The following HERC1 variants were observed in gnomAD, a reference collection of about 807,000 sequenced individuals.
The protein encoded by HERC1 is HECT and RLD domain containing E3 ubiquitin protein ligase family member 1.
HERC1 carries 160 observed loss-of-function variants against 554.3 expected under a neutral mutation model. The ratio of observed to expected loss-of-function variants is 0.29; its 90% CI spans 0.25 to 0.33. The LOEUF (loss-of-function observed/expected upper bound fraction) is 0.33, where lower values mean the gene tolerates loss of function less well. Among genes scored for constraint, HERC1 ranks in the 10% least tolerant of loss-of-function variants. The pLI is 1.00. For synonymous variants in HERC1, 2,175 were observed against 2,131.7 expected, an observed-to-expected ratio of 1.02 and a Z score of -0.56; for missense variants, 4,919 against 5,918.5, an observed-to-expected ratio of 0.83 and a Z score of 5.54.
intron 1 of HERC1, among the ~76,000 whole-genome samples, chr15:63,805,656 C>T (rs2077115269): frequency 6.6e-6 from 1 of 152,132 alleles, no homozygotes; most frequent in South Asian, 2.1e-4. Context: ...TGACCAAAAA[C>T]AAACAAAAGG....
intron 67 of HERC1, 46 bp downstream of exon 67, chr15:63,633,802 A>G (rs778329858): frequency 1.0e-4 from 161 of 1,582,446 alleles, no homozygotes; most frequent in Non-Finnish European, 1.4e-4. Flanking sequence ...ACATAGATGA[A>G]AACTATTTAT....
chr15:63,765,719 T>C (rs1341191805), intron 2 of HERC1, among the ~76,000 whole-genome samples: 1 of 152,066 alleles, frequency 6.6e-6, no homozygotes, highest in Non-Finnish European at 1.5e-5. Flanking sequence ...ATCAAACCAA[T>C]AAGATCTTAC....
chr15:63,721,417 T>C (rs918671290), intron 19 of HERC1, among the ~76,000 whole-genome samples: 1 of 152,000 alleles, frequency 6.6e-6, no homozygotes, highest in Non-Finnish European at 1.5e-5. Flanking sequence ...TCCCAGCTAC[T>C]CAGGAGGCTG....
intron 7 of HERC1, among the ~76,000 whole-genome samples, 153 bp from the exon 8 acceptor site, chr15:63,753,238 C>T (rs981529251): frequency 4.6e-5 from 7 of 152,224 alleles, no homozygotes; most frequent in East Asian, 1.9e-4. Flanking sequence ...TGTTAACAAA[C>T]GAGCATTTTT....
At chr15:63,670,998 T>C (rs563565704) in intron 39 of HERC1, among the ~76,000 whole-genome samples, 5 of 152,072 alleles carry the variant, frequency 3.3e-5, no homozygotes, top group Non-Finnish European at 7.4e-5. Flanking sequence ...GGTTGGGAGT[T>C]CGAGACCAGC....
At chr15:63,687,680 T>C (rs1003918490) in intron 33 of HERC1, among the ~76,000 whole-genome samples, 12 of 152,304 alleles carry the variant, frequency 7.9e-5, no homozygotes, top group African/African-American at 2.9e-4. Context: ...ATAGAACTTT[T>C]ATTTTGGAAG....
intron 43 of HERC1, 51 bp from the exon 44 acceptor site, chr15:63,663,255 G>C: frequency 6.6e-7 from 1 of 1,508,310 alleles, no homozygotes; most frequent in African/African-American, 1.4e-5. Context: ...AAATAATTCT[G>C]AATATTTCGC....
intron 19 of HERC1, among the ~76,000 whole-genome samples, chr15:63,721,483 G>A (rs570284563): frequency 2.0e-5 from 3 of 152,130 alleles, no homozygotes; most frequent in South Asian, 2.1e-4. Flanking sequence ...CTGGGATCAC[G>A]CCACTGCACT....
rs2073894899 is a variant in HERC1 at position 63,723,191 on chromosome 15, C to G, written c.3733G>C (p.Val1245Leu). The change falls in exon 19 of 78, where the codon GTT (valine) becomes CTT (leucine). Residue 1245 changes from valine to leucine, a missense_variant. Physicochemically the swap from Val to Leu is conservative, Grantham distance 32 (BLOSUM62 1). This residue lies in a region of HERC1 where 1,121 missense variants were observed against 1,244.0 expected (regional missense o/e 0.90). Coordinates refer to ENST00000443617, the MANE Select transcript of HERC1 (RefSeq NM_003922.4). ...SLWISMQDYA[V>L]SKDWDSATLS... ...ATCTTCTTTATCTTACCTTTACTAA[C>G]AGCATAGTCCTGCATGCTGATCCAA... 6.8e-7 allele frequency: 1 copy of G among 1,481,406 alleles called. No homozygotes were observed. Among genetic ancestry groups the G allele is most frequent in the African/African-American group, 1.4e-5 (1 of 71,400 alleles). 91.8% of individuals were successfully genotyped at this position (1,481,406 alleles called of 1,614,324 possible).
At position 63,720,103 on chromosome 15, in the gene HERC1, C is replaced by CTTTTTTTTTTTTTTTTTTTTTTTTTT. The variant is rs573648232; in HGVS notation, c.3743-1207_3743-1206insAAAAAAAAAAAAAAAAAAAAAAAAAA. Among the ~76,000 whole-genome samples the CTTTTTTTTTTTTTTTTTTTTTTTTTT allele has an allele frequency of 5.2e-3, 369 of 71,554 alleles. 115 individuals carry two copies. The highest frequency in any genetic ancestry group is 0.014 in the Middle Eastern group (1 of 72). The allele number at this position is 71,554 out of a possible 152,430, so 46.9% of individuals were successfully genotyped here. ...GGACTAGTCAGGTGCTTTTTCTTCC[C>CTTTTTTTTTTTTTTTTTTTTTTTTTT]TTTTTTTTTTTTTTTAAGAGACAGG... On this transcript the variant is annotated intron_variant, in intron 19 of 77. Transcript: ENST00000443617.
At position 63,764,178 on chromosome 15, in the gene HERC1, T is replaced by A; in HGVS notation, c.944A>T (p.Asp315Val). Reference sequence around the variant, plus strand: ...GGTTGGTTCTCTCCACTGACTCCGATCAGCAGATGAACCCTATAATTAAAA... The same window carrying A: ...GGTTGGTTCTCTCCACTGACTCCGAACAGCAGATGAACCCTATAATTAAAA... The part of the protein sequence containing the change: ...QMRRSLGSSA[D>V]RSQWREPTRT... The change falls in exon 3 of 78, where the codon GAT (aspartate) becomes GTT (valine). Residue 315 changes from aspartate (D) to valine (V), a missense_variant. Physicochemically the swap from Asp to Val is radical, Grantham distance 152 (BLOSUM62 -3). Transcript: ENST00000443617. 1 of 1,608,220 alleles carries A rather than the reference T, an allele frequency of 6.2e-7. No homozygotes were observed. Among genetic ancestry groups the A allele is most frequent in the Non-Finnish European group, 8.5e-7 (1 of 1,176,664 alleles).
intron 46 of HERC1, 59 bp downstream of exon 46, chr15:63,660,914 T>C: frequency 9.9e-7 from 1 of 1,013,664 alleles, no homozygotes; most frequent in Admixed American, 1.8e-5. Flanking sequence ...TAACAGATGT[T>C]AAGCAGAGAG....
Position 63,612,161 on chromosome 15 carries a change from C to A in HERC1, c.14400+90G>T, listed in dbSNP as rs1221710591. On this transcript the variant is annotated intron_variant, in intron 77 of 77. Transcript: ENST00000443617. The surrounding 1 kb of genome is among the most constrained non-coding windows in gnomAD (Gnocchi z 5.0). ...TAAAATCATGCCACTGCACTCCAGC[C>A]TGGGCCACAGAGTGAGACCCTGTCT... 1 of 1,208,662 alleles carries A rather than the reference C, an allele frequency of 8.3e-7. No individual in the cohort carries two copies. Among genetic ancestry groups the A allele is most frequent in the Non-Finnish European group, 1.1e-6 (1 of 869,652 alleles). 74.9% of individuals were successfully genotyped at this position (1,208,662 alleles called of 1,614,324 possible). A position where few individuals can be genotyped will look rare whatever the true frequency, so the allele number is the denominator to read the frequency against.
In HERC1 at chr15:63,677,779, G is replaced by C. The variant is rs765601951; in HGVS notation, c.7070+66C>G. On this transcript the variant is annotated intron_variant, in intron 37 of 77. Transcript: ENST00000443617. This position sits in a 1 kb window ranked among gnomAD's most constrained non-coding sequence, Gnocchi z 4.4. ...CTAAAATACATAATTACTCACTGTC[G>C]ACAGGCAATGGCCTATTTCACCATT... 590 of 1,540,236 alleles carry C rather than the reference G, an allele frequency of 3.8e-4. 1 individual carries two copies. The highest frequency in any genetic ancestry group is 5.7e-4 in the South Asian group (45 of 78,368).
intron 76 of HERC1, among the ~76,000 whole-genome samples, chr15:63,614,826 T>G (rs1399836511): frequency 6.6e-6 from 1 of 152,200 alleles, no homozygotes; most frequent in East Asian, 1.9e-4. Flanking sequence ...TCAAATGAAA[T>G]AGAAAATGCA....
intron 34 of HERC1, among the ~76,000 whole-genome samples, chr15:63,681,841 T>C (rs965196534): frequency 6.6e-6 from 1 of 152,302 alleles, no homozygotes; most frequent in Non-Finnish European, 1.5e-5. Context: ...CTTGTGCTCA[T>C]GGCAGGGAGA....
chr15:63,739,700 A>C (rs2074710424), intron 12 of HERC1, among the ~76,000 whole-genome samples: 1 of 151,920 alleles, frequency 6.6e-6, no homozygotes, highest in Admixed American at 6.6e-5. Context: ...CTAGCTGGGC[A>C]TGGTGGTGTG....
intron 75 of HERC1, 85 bp downstream of exon 75, chr15:63,616,345 T>C: frequency 1.4e-6 from 2 of 1,384,842 alleles, no homozygotes; most frequent in Admixed American, 2.0e-5. Context: ...AGTGGAAGAC[T>C]GTATCTCAAT....
chr15:63,651,757 G>A lies in HERC1; in HGVS notation c.10419-377C>T, dbSNP rs527778991. ...CTGGCTATAAAACTATTAAAAATGC[G>A]GCTGGGCGTAGTGGCTCACATCTGT... is the stretch of plus-strand genomic sequence containing the variant. On this transcript the variant is annotated intron_variant, in intron 52 of 77. Transcript: ENST00000443617. Among the ~76,000 whole-genome samples, 164 of 152,270 alleles carry A rather than the reference G, an allele frequency of 1.1e-3. 4 individuals are homozygous for A. The highest frequency in any genetic ancestry group is 8.5e-4 in the Non-Finnish European group (58 of 68,018).
Sources: allele counts gnomAD v4.1 joint callset (sites outside exome capture counted in the v4.1 genomes callset), GRCh38; gene constraint gnomAD v4.1.1; regional missense constraint gnomAD v4.1.1; non-coding constraint Gnocchi (gnomAD v3.1); transcripts MANE v1.5; gene names NCBI Gene and HGNC (gene_info 2026-07-23, HGNC 2026-07-21).